The following TNRC6C variants were observed in gnomAD, a reference collection of about 807,000 sequenced individuals.
TNRC6C encodes the protein trinucleotide repeat containing adaptor 6C.
A neutral mutation model predicts 153.7 loss-of-function variants in TNRC6C; 20 were observed. That is an observed-to-expected ratio of 0.13 (90% CI 0.09 to 0.19). The LOEUF (loss-of-function observed/expected upper bound fraction) is 0.19. Among genes scored for constraint, TNRC6C ranks in the 10% least tolerant of loss-of-function variants. The pLI is 1.00. For synonymous variants in TNRC6C, 811 were observed against 841.4 expected (o/e 0.96, Z 0.63); for missense variants, 1,987 against 2,172.0 (o/e 0.91, Z 1.69).
At chr17:77,976,296 G>C (rs1241805805) in intron 1 of TNRC6C, among the ~76,000 whole-genome samples, 5 of 152,160 alleles carry the variant, frequency 3.3e-5, no homozygotes, top group African/African-American at 1.2e-4. Flanking sequence ...ATTTTGGTAT[G>C]TTTTATAAGG....
intron 3 of TNRC6C, among the ~76,000 whole-genome samples, chr17:78,057,722 A>G (rs1303824080): frequency 6.6e-6 from 1 of 152,152 alleles, no homozygotes; most frequent in Non-Finnish European, 1.5e-5. Context: ...GAATTTATAG[A>G]ATTTTCACTT....
chr17:78,057,976 C>T (rs1465990715), intron 3 of TNRC6C, among the ~76,000 whole-genome samples: 3 of 152,160 alleles, frequency 2.0e-5, no homozygotes, highest in Non-Finnish European at 4.4e-5. Flanking sequence ...ACTGGATTGT[C>T]TGGACCTGGT....
At chr17:77,958,416 C>G (rs2070828154), upstream of TNRC6C, among the ~76,000 whole-genome samples, 2 of 152,016 alleles carry the variant, frequency 1.3e-5, no homozygotes, top group Middle Eastern at 3.4e-3. Context: ...GCGCACCGCT[C>G]GCACCCCGGC....
chr17:78,076,565 G>GT (rs1233434388), intron 8 of TNRC6C, among the ~76,000 whole-genome samples: 1 of 152,172 alleles, frequency 6.6e-6, no homozygotes, highest in Non-Finnish European at 1.5e-5. Flanking sequence ...CATCGCATAT[G>GT]TTTATTTGCT....
intron 4 of TNRC6C, among the ~76,000 whole-genome samples, chr17:78,065,494 T>C (rs1347594782): frequency 2.0e-5 from 3 of 152,240 alleles, no homozygotes; most frequent in African/African-American, 2.4e-5. Context: ...CCGCATATTA[T>C]GTTTGATTCT....
chr17:78,104,603 T>A lies in TNRC6C; in HGVS notation c.4831T>A (p.Ser1611Thr). Residue 1611 changes from serine to threonine, a missense_variant, in exon 20 of 20, where the codon TCC (serine) becomes ACC (threonine). Ser to Thr is a moderately conservative substitution (Grantham distance 58). This residue lies in a region of TNRC6C where 139 missense variants were observed against 148.5 expected (regional missense o/e 0.94). Coordinates refer to ENST00000301624, the Ensembl canonical transcript of TNRC6C. This position sits in a 1 kb window ranked among gnomAD's most constrained non-coding sequence, Gnocchi z 6.2. ...TTCCAGCTGGCAGTCCAGCAGCGCG[T>A]CCAGCCAGCCGCGGCTCAGCGCAGC... is the stretch of plus-strand genomic sequence containing the variant. The A allele has an allele frequency of 6.4e-7, 1 of 1,552,616 alleles. No individual in the cohort carries two copies. Among genetic ancestry groups the A allele is most frequent in the Non-Finnish European group, 8.7e-7 (1 of 1,148,548 alleles).
chr17:78,105,457 A>G (rs1010362275), exon 20 of TNRC6C: 1 of 152,226 alleles, frequency 6.6e-6, no homozygotes, highest in East Asian at 1.9e-4. Flanking sequence ...ATATTTTTTA[A>G]AAGTTAAAAA....
upstream of TNRC6C, among the ~76,000 whole-genome samples, chr17:77,958,157 G>GCTGGCGC (rs1567890383): frequency 6.6e-6 from 1 of 151,934 alleles, no homozygotes; most frequent in African/African-American, 2.4e-5. Context: ...GCGCGCCGGT[G>GCTGGCGC]CGGGCGCCGG....
intron 1 of TNRC6C, among the ~76,000 whole-genome samples, chr17:77,982,353 T>A (rs74557998): frequency 1.5e-3 from 234 of 152,224 alleles, no homozygotes; most frequent in African/African-American, 5.5e-3. Context: ...AAATAGTCAC[T>A]CAGAATGTTT....
At chr17:78,084,366 A>G (rs1169470605) in intron 11 of TNRC6C, among the ~76,000 whole-genome samples, 9 of 151,170 alleles carry the variant, frequency 6.0e-5, no homozygotes, top group Non-Finnish European at 1.0e-4. Flanking sequence ...AGACAGAACC[A>G]TTGGCATAAA....
At chr17:78,105,435 T>G (rs1166912426) in exon 20 of TNRC6C, 1 of 152,232 alleles carries the variant, frequency 6.6e-6, no homozygotes, top group East Asian at 1.9e-4. Context: ...TGTCATTTTT[T>G]TATCCCAAAA....
At chr17:78,009,975 C>T (rs1164062305) in intron 1 of TNRC6C, among the ~76,000 whole-genome samples, 4 of 152,132 alleles carry the variant, frequency 2.6e-5, no homozygotes, top group Non-Finnish European at 1.5e-5. Flanking sequence ...CCACCACCTC[C>T]GAGGCTCAAG....
chr17:78,076,019 C>T (rs2073077153), intron 8 of TNRC6C, among the ~76,000 whole-genome samples: 1 of 151,778 alleles, frequency 6.6e-6, no homozygotes, highest in Admixed American at 6.6e-5. Context: ...GAGATCGAGA[C>T]CAGCCTGGCC....
chr17:78,102,829 A>G (rs1182439452), intron 18 of TNRC6C: 2 of 410,986 alleles, frequency 4.9e-6, no homozygotes, highest in African/African-American at 2.1e-5. Context: ...TTATTTTACA[A>G]CTAGCCATTC....
chr17:78,048,966 G>A, exon 3 of TNRC6C: 1 of 1,386,804 alleles, frequency 7.2e-7, no homozygotes, highest in Non-Finnish European at 9.4e-7. Context: ...CTGACAAGGA[G>A]GCGTGGCCTT....
intron 1 of TNRC6C, among the ~76,000 whole-genome samples, chr17:77,986,551 A>T (rs1049812223): frequency 2.6e-5 from 4 of 152,344 alleles, no homozygotes; most frequent in South Asian, 2.1e-4. Flanking sequence ...TCTAATTTTT[A>T]AAAAATGTAT....
intron 2 of TNRC6C, among the ~76,000 whole-genome samples, chr17:78,039,637 C>G (rs1246922162): frequency 3.9e-5 from 6 of 152,216 alleles, no homozygotes; most frequent in Non-Finnish European, 8.8e-5. Context: ...GTGGTTAATG[C>G]TGTGGCTGTT....
At chr17:78,073,337 G>A (rs528193374) in intron 7 of TNRC6C, among the ~76,000 whole-genome samples, 1 of 152,252 alleles carries the variant, frequency 6.6e-6, no homozygotes, top group South Asian at 2.1e-4. Context: ...ATATTTTCCC[G>A]TTATGTTTTG....
rs901857290 is a variant in TNRC6C at position 77,974,501 on chromosome 17, G to T, written c.-38+15233G>T. ...ACCCCCGCCCCGCCCCAAAAAAAAA[G>T]TAAGAGGGAGAGATGGAGTCTTGCT... On this transcript the variant is annotated intron_variant, in intron 1 of 22. Transcript: ENST00000636222. 3.4e-5 allele frequency among the ~76,000 whole-genome samples: 5 copies of T among 145,590 alleles called. No homozygotes were observed. In the East Asian group the frequency reaches 1.1e-3, roughly 31 times the overall value.
Sources: gnomAD v4.1 joint callset for allele counts (sites outside exome capture counted in the v4.1 genomes callset) on GRCh38, gnomAD v4.1.1 for gene constraint, gnomAD v4.1.1 regional missense constraint, Gnocchi (gnomAD v3.1) non-coding constraint, MANE v1.5 for transcripts, NCBI Gene and HGNC (gene_info 2026-07-23, HGNC 2026-07-21) for gene names.